The following SH3GL3 variants were observed in gnomAD, a reference collection of about 807,000 sequenced individuals.
The protein encoded by SH3GL3 is endophilin-A3.
In SH3GL3, 33 loss-of-function variants were observed where a neutral mutation model predicts 47.7. That is an observed-to-expected ratio of 0.69 (90% CI 0.52 to 0.92). The LOEUF is 0.92. Ranked by LOEUF, SH3GL3 falls within the 40% of genes least tolerant of loss-of-function variation. The pLI, the probability that SH3GL3 is intolerant of heterozygous loss-of-function variation, is 0.00. For missense variants in SH3GL3, 363 were observed against 417.8 expected (o/e 0.87, Z 1.14); for synonymous variants, 155 against 148.8 (o/e 1.04, Z -0.30).
chr15:83,472,774 G>A lies in SH3GL3; in HGVS notation c.45+25196G>A, dbSNP rs190715709. 2.6e-3 allele frequency among the ~76,000 whole-genome samples: 402 copies of A among 152,126 alleles called. 3 individuals are homozygous for A. Among genetic ancestry groups the A allele is most frequent in the African/African-American group, 6.9e-3 (286 of 41,514 alleles). On this transcript the variant is annotated intron_variant, in intron 1 of 8. Transcript: ENST00000427482. ...TGATTATTGTTTTATTAAAATCTGG[G>A]CATTTGGGGCTATGATATTATGAGA... is the stretch of plus-strand genomic sequence containing the variant.
At chr15:83,513,686 A>G (rs2042865748) in intron 1 of SH3GL3, among the ~76,000 whole-genome samples, 1 of 151,986 alleles carries the variant, frequency 6.6e-6, no homozygotes, top group Admixed American at 6.6e-5. Flanking sequence ...CCACTAAATC[A>G]TGACCCTCCA....
At chr15:83,517,205 CTTTT>C (rs36096315) in intron 1 of SH3GL3, among the ~76,000 whole-genome samples, 2 of 109,682 alleles carry the variant, frequency 1.8e-5, no homozygotes, top group Non-Finnish European at 1.9e-5. Flanking sequence ...CTTTTCTTTT[CTTTT>C]TTTTTTTTTT....
At chr15:83,531,954 G>A (rs1351611090) in intron 1 of SH3GL3, among the ~76,000 whole-genome samples, 2 of 152,150 alleles carry the variant, frequency 1.3e-5, no homozygotes. Context: ...TTTGGAAGGT[G>A]TTGATTGAAT....
intron 6 of SH3GL3, among the ~76,000 whole-genome samples, chr15:83,577,847 T>C (rs1424959263): frequency 6.6e-6 from 1 of 152,244 alleles, no homozygotes; most frequent in African/African-American, 2.4e-5. Flanking sequence ...TGTAGTAATT[T>C]GCCATTTTGC....
At position 83,448,379 on chromosome 15, in the gene SH3GL3, T is replaced by C. The variant is rs1043349786; in HGVS notation, c.45+801T>C. Among the ~76,000 whole-genome samples, 3 of 149,962 alleles carry C rather than the reference T, an allele frequency of 2.0e-5. No individual in the cohort carries two copies. The highest frequency in any genetic ancestry group is 7.4e-5 in the African/African-American group (3 of 40,400). On this transcript the variant is annotated intron_variant, in intron 1 of 8. Coordinates refer to ENST00000427482, the MANE Select transcript of SH3GL3 (RefSeq NM_003027.5). The surrounding 1 kb of genome is among the most constrained non-coding windows in gnomAD (Gnocchi z 4.2). ...AAGAATTATGGCTGAGGGTGTGGGATGATAGGAGGAAAGCCGTTCTGAGCA... is the reference window on the plus strand; with the variant it reads ...AAGAATTATGGCTGAGGGTGTGGGACGATAGGAGGAAAGCCGTTCTGAGCA...
intron 1 of SH3GL3, among the ~76,000 whole-genome samples, chr15:83,489,886 GATA>G (rs2041797159): frequency 6.9e-6 from 1 of 145,460 alleles, no homozygotes; most frequent in Admixed American, 6.7e-5. Context: ...TAGATAGATA[GATA>G]ATAGATAGAT....
chr15:83,475,304 C>G (rs2041044264), intron 1 of SH3GL3, among the ~76,000 whole-genome samples: 1 of 151,746 alleles, frequency 6.6e-6, no homozygotes, highest in African/African-American at 2.4e-5. Flanking sequence ...ATAGTAAAAC[C>G]CTGTCTCTAC....
At chr15:83,546,248 A>G (rs1327282694) in intron 1 of SH3GL3, among the ~76,000 whole-genome samples, 1 of 151,600 alleles carries the variant, frequency 6.6e-6, no homozygotes, top group East Asian at 2.0e-4. Context: ...AAGTTGCAAG[A>G]CAAAGACCTC....
At chr15:83,480,242 C>A (rs1038463993) in intron 1 of SH3GL3, among the ~76,000 whole-genome samples, 1 of 151,986 alleles carries the variant, frequency 6.6e-6, no homozygotes, top group Non-Finnish European at 1.5e-5. Context: ...CTTTTTGTTC[C>A]TTTGGAGTCT....
chr15:83,604,758 G>T (rs1478654624), intron 8 of SH3GL3, among the ~76,000 whole-genome samples: 1 of 152,196 alleles, frequency 6.6e-6, no homozygotes, highest in East Asian at 1.9e-4. Context: ...GCTCTGAGAG[G>T]TTAAGTGAGA....
chr15:83,621,037 A>G (rs1037092541), downstream of SH3GL3, among the ~76,000 whole-genome samples: 1 of 152,174 alleles, frequency 6.6e-6, no homozygotes, highest in African/African-American at 2.4e-5. Flanking sequence ...ACTTTTCTTA[A>G]TGCAGCTTTC....
chr15:83,537,293 T>G (rs2043956603), intron 1 of SH3GL3, among the ~76,000 whole-genome samples: 1 of 152,166 alleles, frequency 6.6e-6, no homozygotes, highest in Non-Finnish European at 1.5e-5. Context: ...CCACTCTCTT[T>G]AGAGTGTGGG....
At chr15:83,560,278 A>G (rs1354579365) in intron 2 of SH3GL3, among the ~76,000 whole-genome samples, 3 of 152,210 alleles carry the variant, frequency 2.0e-5, no homozygotes, top group Admixed American at 2.0e-4. Context: ...TCTCCCCAGG[A>G]TACCTTGGCT....
the SH3GL3 span, among the ~76,000 whole-genome samples, chr15:83,627,779 A>C: frequency 1.3e-5 from 2 of 152,346 alleles, no homozygotes; most frequent in African/African-American, 4.8e-5. Flanking sequence ...ATTGGGCGAT[A>C]AAATAGGGAA....
chr15:83,480,823 A>G (rs573573076), intron 1 of SH3GL3, among the ~76,000 whole-genome samples: 2 of 152,326 alleles, frequency 1.3e-5, no homozygotes, highest in South Asian at 4.1e-4. Flanking sequence ...GATTATATGC[A>G]AATATGACTC....
intron 1 of SH3GL3, among the ~76,000 whole-genome samples, chr15:83,520,165 A>G (rs1188890032): frequency 6.6e-6 from 1 of 152,038 alleles, no homozygotes; most frequent in Non-Finnish European, 1.5e-5. Flanking sequence ...AGGCTAGGGA[A>G]CCCAAATCTT....
chr15:83,562,028 AC>A (rs1355760499), intron 2 of SH3GL3, among the ~76,000 whole-genome samples: 6 of 117,468 alleles, frequency 5.1e-5, no homozygotes, highest in Non-Finnish European at 8.9e-5. Flanking sequence ...ACACACACAC[AC>A]AACACACACA....
chr15:83,547,774 CTTT>C (rs35952829), intron 1 of SH3GL3, among the ~76,000 whole-genome samples: 11 of 132,544 alleles, frequency 8.3e-5, no homozygotes, highest in Admixed American at 1.5e-4. Context: ...TATAGTGTAG[CTTT>C]TTTTTTTTTT....
intron 8 of SH3GL3, among the ~76,000 whole-genome samples, chr15:83,604,194 T>G (rs1240501317): frequency 6.6e-6 from 1 of 152,068 alleles, no homozygotes; most frequent in East Asian, 1.9e-4. Context: ...AACTAAAAAT[T>G]TTGACAGTGA....
Sources: allele counts gnomAD v4.1 joint callset (sites outside exome capture counted in the v4.1 genomes callset), GRCh38; gene constraint gnomAD v4.1.1; non-coding constraint Gnocchi (gnomAD v3.1); transcripts MANE v1.5; gene names NCBI Gene and HGNC (gene_info 2026-07-23, HGNC 2026-07-21).